BRINP1: variants seen among roughly 807,000 people sequenced by gnomAD.
BRINP1 encodes the protein BMP/retinoic acid-inducible neural-specific protein 1.
BRINP1 carries 17 observed loss-of-function variants against 72.9 expected under a neutral mutation model. The ratio of observed to expected loss-of-function variants is 0.23; its 90% CI spans 0.16 to 0.35. The LOEUF is 0.35. BRINP1 is among the 10% of genes least tolerant of loss of function. The probability of loss-of-function intolerance (pLI) is 1.00; values close to 1 mark genes in which losing one functional copy is unlikely to be tolerated. For synonymous variants in BRINP1, 418 were observed against 378.5 expected, an observed-to-expected ratio of 1.10 and a Z score of -1.21; for missense variants, 850 against 1,001.6, an observed-to-expected ratio of 0.85 and a Z score of 2.04.
At chr9:119,360,199 CTG>C (rs913722951) in intron 1 of BRINP1, among the ~76,000 whole-genome samples, 8 of 152,226 alleles carry the variant, frequency 5.3e-5, no homozygotes, top group African/African-American at 1.7e-4. Flanking sequence ...CCTAAAAGAA[CTG>C]TGTCTCCAAA....
chr9:119,268,454 C>T (rs918152434), intron 2 of BRINP1, among the ~76,000 whole-genome samples: 6 of 151,954 alleles, frequency 3.9e-5, no homozygotes, highest in African/African-American at 1.5e-4. Context: ...GATGGGTTGA[C>T]TCTCATACCT....
chr9:119,264,907 G>A (rs1830533071), intron 2 of BRINP1, among the ~76,000 whole-genome samples: 2 of 152,160 alleles, frequency 1.3e-5, no homozygotes, highest in African/African-American at 4.8e-5. Context: ...TCCTGACCTA[G>A]TAATCTGCCT....
Position 119,217,181 on chromosome 9 carries a change from G to A in BRINP1, c.686-3026C>T, listed in dbSNP as rs913108440. ...CCCAGTGCTGAACTCCTACATGGGCGCCTGAATCCTGCCTGCTTCAATGGG... is the reference window on the plus strand; with the variant it reads ...CCCAGTGCTGAACTCCTACATGGGCACCTGAATCCTGCCTGCTTCAATGGG... On this transcript the variant is annotated intron_variant, in intron 5 of 7. Coordinates refer to ENST00000265922, the MANE Select transcript of BRINP1 (RefSeq NM_014618.3). 9.2e-5 allele frequency among the ~76,000 whole-genome samples: 14 copies of A among 152,216 alleles called. No homozygotes were observed. In the South Asian group the frequency reaches 2.5e-3, roughly 27 times the overall value.
At chr9:119,354,395 T>C (rs1831538022) in intron 1 of BRINP1, among the ~76,000 whole-genome samples, 1 of 152,170 alleles carries the variant, frequency 6.6e-6, no homozygotes, top group Admixed American at 6.5e-5. Context: ...GTGGAAAACA[T>C]GGAGCTGCTC....
rs1831386301 is a variant in BRINP1 at position 119,339,443 on chromosome 9, G to A, written c.-50-26038C>T. Reference sequence around the variant, plus strand: ...CTCAACTGGAATATCAGCATCAAGAGGTCAGGTCAAAACTTTTATCTGTTT... The same window carrying A: ...CTCAACTGGAATATCAGCATCAAGAAGTCAGGTCAAAACTTTTATCTGTTT... On this transcript the variant is annotated intron_variant, in intron 1 of 7. Coordinates refer to ENST00000265922, the MANE Select transcript of BRINP1 (RefSeq NM_014618.3). Among the ~76,000 whole-genome samples, 5 of 152,188 alleles carry A rather than the reference G, an allele frequency of 3.3e-5. No homozygotes were observed. In the South Asian group the frequency reaches 1.0e-3, roughly 32 times the overall value.
intron 2 of BRINP1, among the ~76,000 whole-genome samples, chr9:119,296,523 C>T (rs999395550): frequency 6.6e-6 from 1 of 152,044 alleles, no homozygotes; most frequent in Non-Finnish European, 1.5e-5. Context: ...GGTATTTATC[C>T]AAAGGAAATG....
intron 1 of BRINP1, among the ~76,000 whole-genome samples, chr9:119,364,952 G>C (rs1473757697): frequency 6.6e-6 from 1 of 152,254 alleles, no homozygotes; most frequent in Non-Finnish European, 1.5e-5. Flanking sequence ...GAGACAGAGA[G>C]AGAGATGACA....
At chr9:119,222,600 G>A (rs1830050822) in intron 5 of BRINP1, among the ~76,000 whole-genome samples, 1 of 139,112 alleles carries the variant, frequency 7.2e-6, no homozygotes, top group Non-Finnish European at 1.6e-5. Context: ...CACTGTTCTA[G>A]GTTCTAGAGA....
At chr9:119,322,021 G>A (rs1831194609) in intron 1 of BRINP1, among the ~76,000 whole-genome samples, 1 of 152,102 alleles carries the variant, frequency 6.6e-6, no homozygotes, top group Non-Finnish European at 1.5e-5. Flanking sequence ...GAGCCATTGG[G>A]TTGAGCCACT....
intron 1 of BRINP1, among the ~76,000 whole-genome samples, chr9:119,323,156 G>A (rs889341581): frequency 6.6e-6 from 1 of 152,100 alleles, no homozygotes; most frequent in Admixed American, 6.5e-5. Context: ...GGCAGAATGG[G>A]GTATAGAGGC....
At chr9:119,174,872 A>C (rs1001110944) in intron 7 of BRINP1, among the ~76,000 whole-genome samples, 2 of 151,014 alleles carry the variant, frequency 1.3e-5, no homozygotes, top group African/African-American at 4.9e-5. Context: ...CAAGAACAAA[A>C]AACCAAACAC....
intron 1 of BRINP1, among the ~76,000 whole-genome samples, chr9:119,313,942 T>C (rs935014424): frequency 2.0e-5 from 3 of 152,222 alleles, no homozygotes; most frequent in Non-Finnish European, 4.4e-5. Context: ...AGCAGGCATG[T>C]ATCCACTGAG....
chr9:119,338,334 A>G (rs1449859474), intron 1 of BRINP1, among the ~76,000 whole-genome samples: 1 of 144,708 alleles, frequency 6.9e-6, no homozygotes. Flanking sequence ...ATCATGCATT[A>G]CGTCCCAGGC....
chr9:119,283,745 C>T (rs1055041378), intron 2 of BRINP1, among the ~76,000 whole-genome samples: 3 of 152,156 alleles, frequency 2.0e-5, no homozygotes, highest in African/African-American at 7.2e-5. Context: ...GTTGGCCAGG[C>T]TGATCTCGAA....
intron 5 of BRINP1, among the ~76,000 whole-genome samples, chr9:119,222,618 AG>A (rs1256674008): frequency 6.6e-6 from 1 of 152,076 alleles, no homozygotes; most frequent in East Asian, 1.9e-4. Context: ...AGAAAAGACA[AG>A]GAACTAGGAA....
intron 2 of BRINP1, among the ~76,000 whole-genome samples, chr9:119,270,595 G>A (rs879727685): frequency 5.3e-5 from 8 of 152,206 alleles, no homozygotes; most frequent in Admixed American, 3.3e-4. Flanking sequence ...TTTGACTTGA[G>A]CAACTGGAAA....
chr9:119,222,333 C>G (rs1830048991), intron 5 of BRINP1, among the ~76,000 whole-genome samples: 1 of 152,052 alleles, frequency 6.6e-6, no homozygotes, highest in African/African-American at 2.4e-5. Context: ...CCAAATTGAC[C>G]TGCAGTCTAT....
chr9:119,193,424 C>G (rs925258711), intron 7 of BRINP1, among the ~76,000 whole-genome samples: 4 of 152,054 alleles, frequency 2.6e-5, no homozygotes, highest in African/African-American at 9.7e-5. Context: ...AGTGGTTACT[C>G]TGCTTGTAGG....
At chr9:119,351,883 C>T (rs1012793048) in intron 1 of BRINP1, among the ~76,000 whole-genome samples, 1 of 151,618 alleles carries the variant, frequency 6.6e-6, no homozygotes, top group Non-Finnish European at 1.5e-5. Context: ...GTGACATAAT[C>T]TTGGCTCACT....
Sources: gnomAD v4.1 joint callset for allele counts (sites outside exome capture counted in the v4.1 genomes callset) on GRCh38, gnomAD v4.1.1 for gene constraint, MANE v1.5 for transcripts, NCBI Gene and HGNC (gene_info 2026-07-23, HGNC 2026-07-21) for gene names.